Variants in ABCD2 observed in about 807,000 individuals in gnomAD.
ABCD2 encodes the protein ATP binding cassette subfamily D member 2, also known as ATP-binding cassette sub-family D member 2.
Under a neutral mutation model 70.9 loss-of-function variants are expected in ABCD2, and 36 were observed. That is an observed-to-expected ratio of 0.51 (90% CI 0.39 to 0.67). ABCD2 has a LOEUF of 0.67. ABCD2 is among the 30% of genes least tolerant of loss of function. The pLI, the probability that ABCD2 is intolerant of heterozygous loss-of-function variation, is 0.00. For missense variants in ABCD2, 729 were observed against 890.2 expected (o/e 0.82, Z 2.30); for synonymous variants, 304 against 306.9 (o/e 0.99, Z 0.10).
the ABCD2 span, among the ~76,000 whole-genome samples, chr12:39,538,839 C>A: frequency 6.6e-6 from 1 of 152,128 alleles, no homozygotes; most frequent in Non-Finnish European, 1.5e-5. Flanking sequence ...CTGGAAAACA[C>A]GTACCCCTGA....
chr12:39,559,400 A>G (rs200410408), intron 9 of ABCD2, among the ~76,000 whole-genome samples: 12,992 of 151,074 alleles, frequency 0.086, 1,251 homozygotes, highest in African/African-American at 0.23. Flanking sequence ...AAAAAAAAAA[A>G]AGGAAATATA....
At chr12:39,534,948 G>T in the ABCD2 span, among the ~76,000 whole-genome samples, 17 of 133,384 alleles carry the variant, frequency 1.3e-4, no homozygotes, top group African/African-American at 4.7e-4. Flanking sequence ...AAGAAAGAAA[G>T]AAAACAAAGA....
rs1158641533 is a variant in ABCD2, at chr12:39,607,632, A to G, written c.1203T>C (p.Asp401=). The change falls in exon 3 of 10, where the codon GAT becomes GAC. Residue 401 remains aspartate, a synonymous_variant. Transcript: ENST00000308666. ...TARNLLASGA[D]AIERIMSSYK... ...ATGAAGACATAATCCTTTCAATAGC[A>G]TCAGCTCCAGAGGCCAGTAAATTTC... 6.2e-7 allele frequency: 1 copy of G among 1,613,378 alleles called. No individual in the cohort carries two copies. The highest frequency in any genetic ancestry group is 8.5e-7 in the Non-Finnish European group (1 of 1,179,610).
At chr12:39,597,901 C>A (rs1221463925) in intron 6 of ABCD2, among the ~76,000 whole-genome samples, 1 of 151,998 alleles carries the variant, frequency 6.6e-6, no homozygotes, top group Non-Finnish European at 1.5e-5. Flanking sequence ...CTGAGATTTT[C>A]TTTTATCTGG....
chr12:39,611,650 A>C (rs949825712), intron 2 of ABCD2, among the ~76,000 whole-genome samples: 2 of 152,172 alleles, frequency 1.3e-5, no homozygotes, highest in African/African-American at 4.8e-5. Context: ...TTAGGCAGAT[A>C]TTTCTTAAAT....
the ABCD2 span, among the ~76,000 whole-genome samples, chr12:39,532,655 C>G: frequency 1.3e-5 from 2 of 152,014 alleles, no homozygotes; most frequent in African/African-American, 2.4e-5. Context: ...GTCTTGATAG[C>G]AGTATTACAA....
At chr12:39,556,371 G>A (rs1941165622) in intron 9 of ABCD2, among the ~76,000 whole-genome samples, 1 of 152,178 alleles carries the variant, frequency 6.6e-6, no homozygotes, top group South Asian at 2.1e-4. Flanking sequence ...ACAAGGCGTA[G>A]GCAGTTGGAT....
At chr12:39,578,020 C>T (rs1017979263) in intron 8 of ABCD2, among the ~76,000 whole-genome samples, 4 of 152,102 alleles carry the variant, frequency 2.6e-5, no homozygotes, top group Admixed American at 2.6e-4. Context: ...CAACTAATTC[C>T]TAGGTGTTCG....
At chr12:39,603,804 C>T (rs1941932926) in intron 5 of ABCD2, 108 bp downstream of exon 5, 3 of 777,288 alleles carry the variant, frequency 3.9e-6, no homozygotes, top group South Asian at 3.5e-5. Context: ...TTCTTGATTT[C>T]CCCTTTCCAA....
At chr12:39,567,766 G>A (rs187699290) in intron 9 of ABCD2, among the ~76,000 whole-genome samples, 135 of 152,294 alleles carry the variant, frequency 8.9e-4, no homozygotes, top group African/African-American at 2.7e-3. Flanking sequence ...GCTGGTACCG[G>A]TTGTTCCTTT....
At position 39,594,748 on chromosome 12, in the gene ABCD2, T is replaced by C. The variant is rs1000654619; in HGVS notation, c.1646+5823A>G. Among the ~76,000 whole-genome samples, 59 of 151,954 alleles carry C rather than the reference T, an allele frequency of 3.9e-4. 1 individual carries two copies. Among genetic ancestry groups the C allele is most frequent in the Admixed American group, 3.7e-3 (57 of 15,242 alleles). ...CAGCACTTTGGGAGGCCAAGGCGGG[T>C]GGATCACTTGAGGCCAGGAGTTCGA... On this transcript the variant is annotated intron_variant, in intron 6 of 9. Coordinates refer to ENST00000308666, the MANE Select transcript of ABCD2 (RefSeq NM_005164.4).
At chr12:39,572,441 A>G (rs1053284248) in intron 9 of ABCD2, among the ~76,000 whole-genome samples, 3 of 152,186 alleles carry the variant, frequency 2.0e-5, no homozygotes, top group South Asian at 2.1e-4. Context: ...CAGAGGAAGC[A>G]TATTCATTGG....
intron 9 of ABCD2, among the ~76,000 whole-genome samples, chr12:39,554,998 G>A (rs957854471): frequency 9.9e-5 from 15 of 151,634 alleles, no homozygotes; most frequent in African/African-American, 1.7e-4. Flanking sequence ...AACTATGATC[G>A]GTGGGCTTTT....
At chr12:39,560,777 G>A (rs1185496277) in intron 9 of ABCD2, among the ~76,000 whole-genome samples, 1 of 152,032 alleles carries the variant, frequency 6.6e-6, no homozygotes, top group Non-Finnish European at 1.5e-5. Context: ...CATGTTATAA[G>A]ATGTTTTTAT....
chr12:39,552,062 C>A lies in ABCD2; in HGVS notation c.*1850G>T, dbSNP rs1009287914. 2 of 151,662 alleles carry A rather than the reference C, an allele frequency of 1.3e-5. No individual in the cohort carries two copies. The highest frequency in any genetic ancestry group is 6.6e-5 in the Admixed American group (1 of 15,206). 9.4% of individuals were successfully genotyped at this position (151,662 alleles called of 1,614,324 possible). ...GGTTCCATGCTTCTTAAAAAAAAAT[C>A]TTTAATTCCTGCCTCACTTTTCTAA... On this transcript the variant is annotated 3_prime_UTR_variant, in exon 10 of 10. Transcript: ENST00000308666.
intron 9 of ABCD2, among the ~76,000 whole-genome samples, chr12:39,558,661 C>G (rs546309069): frequency 6.6e-6 from 1 of 152,236 alleles, no homozygotes; most frequent in African/African-American, 2.4e-5. Context: ...GAATAAGGTG[C>G]TTTGCTTCCC....
chr12:39,534,407 C>T, the ABCD2 span, among the ~76,000 whole-genome samples: 1 of 152,162 alleles, frequency 6.6e-6, no homozygotes, highest in Non-Finnish European at 1.5e-5. Context: ...CCCCTCCTAT[C>T]ATTAGTTTCT....
chr12:39,540,081 C>T, the ABCD2 span, among the ~76,000 whole-genome samples: 2 of 152,206 alleles, frequency 1.3e-5, no homozygotes, highest in African/African-American at 4.8e-5. Flanking sequence ...CAGACCACAT[C>T]GTCTGGCCCA....
At chr12:39,573,866 T>G (rs1234192148) in intron 8 of ABCD2, 25 bp from the exon 9 acceptor site, 9 of 1,602,892 alleles carry the variant, frequency 5.6e-6, no homozygotes, top group Non-Finnish European at 7.7e-6. Context: ...ACACAAAAAT[T>G]AATTATTTTG....
Sources: allele counts gnomAD v4.1 joint callset (sites outside exome capture counted in the v4.1 genomes callset), GRCh38; gene constraint gnomAD v4.1.1; transcripts MANE v1.5; gene names NCBI Gene and HGNC (gene_info 2026-07-23, HGNC 2026-07-21).